The following MAF variants were observed in gnomAD, a reference collection of about 807,000 sequenced individuals.
MAF encodes MAF bZIP transcription factor.
In MAF, 10 loss-of-function variants were observed where a neutral mutation model predicts 22.0. That is an observed-to-expected ratio of 0.45 (90% CI 0.28 to 0.77). The LOEUF (loss-of-function observed/expected upper bound fraction) is 0.77. Among genes scored for constraint, MAF ranks in the 30% least tolerant of loss-of-function variants. MAF has a pLI of 0.12. For synonymous variants in MAF, 337 were observed against 255.8 expected, an observed-to-expected ratio of 1.32 and a Z score of -3.03; for missense variants, 544 against 548.4, an observed-to-expected ratio of 0.99 and a Z score of 0.08.
Position 79,599,201 on chromosome 16 carries a change from T to TCCG in MAF, c.699_701dup (p.Gly238dup), listed in dbSNP as rs887468453. ...CCGCCCCCGCCGCGCCCCCGCCGCC[T>TCCG]CCGCCGCCGCCGCCGCCGCCGCCGC... On this transcript the variant is annotated inframe_insertion, in exon 1 of 2. Coordinates refer to ENST00000326043, the MANE Select transcript of MAF (RefSeq NM_005360.5). The TCCG allele has an allele frequency of 5.8e-4, 566 of 974,890 alleles. 1 individual carries two copies. Among genetic ancestry groups the TCCG allele is most frequent in the Middle Eastern group, 2.1e-3 (4 of 1,912 alleles). The allele number at this position is 974,890 out of a possible 1,614,324, so 60.4% of individuals were successfully genotyped here. A position where few individuals can be genotyped will look rare whatever the true frequency, so the allele number is the denominator to read the frequency against.
the MAF span, among the ~76,000 whole-genome samples, chr16:79,317,894 G>C: frequency 6.8e-6 from 1 of 147,832 alleles, no homozygotes; most frequent in East Asian, 2.0e-4. Context: ...CTGTGGGGTA[G>C]CTTGTATTCA....
At chr16:79,559,714 C>T in the MAF span, among the ~76,000 whole-genome samples, 3 of 152,044 alleles carry the variant, frequency 2.0e-5, no homozygotes, top group Admixed American at 6.5e-5. Context: ...GAGAAGCCAA[C>T]GGAAATGAAA....
the MAF span, among the ~76,000 whole-genome samples, chr16:79,207,704 A>T: frequency 6.6e-6 from 1 of 152,230 alleles, no homozygotes; most frequent in East Asian, 1.9e-4. Context: ...AAAAACCTGA[A>T]AGCAAAACAC....
At chr16:79,309,462 G>C in the MAF span, among the ~76,000 whole-genome samples, 1 of 152,120 alleles carries the variant, frequency 6.6e-6, no homozygotes, top group Non-Finnish European at 1.5e-5. Flanking sequence ...GAGAACTTAC[G>C]TTTTCATATT....
chr16:79,571,238 G>A, the MAF span, among the ~76,000 whole-genome samples: 7 of 152,264 alleles, frequency 4.6e-5, no homozygotes, highest in East Asian at 1.4e-3. Flanking sequence ...AGGGGGATGA[G>A]CGGGAGGGAG....
the MAF span, among the ~76,000 whole-genome samples, chr16:79,312,823 C>A: frequency 2.0e-5 from 3 of 152,140 alleles, no homozygotes; most frequent in African/African-American, 7.2e-5. Context: ...TTGTCTTCGG[C>A]TACATATAAG....
At chr16:79,341,266 G>A in the MAF span, among the ~76,000 whole-genome samples, 1 of 152,186 alleles carries the variant, frequency 6.6e-6, no homozygotes, top group East Asian at 1.9e-4. Flanking sequence ...CTGTACCTCA[G>A]TTTCTCCATC....
At chr16:79,371,786 A>T in the MAF span, among the ~76,000 whole-genome samples, 9 of 152,238 alleles carry the variant, frequency 5.9e-5, no homozygotes, top group Admixed American at 2.0e-4. Flanking sequence ...AGAATGTTCT[A>T]AAAGGCCAAC....
the MAF span, among the ~76,000 whole-genome samples, chr16:79,292,421 T>C: frequency 6.6e-6 from 1 of 152,158 alleles, no homozygotes; most frequent in Non-Finnish European, 1.5e-5. Context: ...AGAGGGAGGA[T>C]GGCCCTGCCA....
chr16:79,367,487 C>T, the MAF span, among the ~76,000 whole-genome samples: 6 of 152,306 alleles, frequency 3.9e-5, no homozygotes, highest in African/African-American at 1.4e-4. Flanking sequence ...CAAGACATGA[C>T]CCTTATAGCT....
the MAF span, among the ~76,000 whole-genome samples, chr16:79,366,211 G>C: frequency 1.3e-5 from 2 of 152,154 alleles, no homozygotes; most frequent in African/African-American, 4.8e-5. Context: ...CAAGGAAAAA[G>C]AATATGTAAA....
At chr16:79,323,083 G>A in the MAF span, among the ~76,000 whole-genome samples, 2 of 140,032 alleles carry the variant, frequency 1.4e-5, no homozygotes, top group East Asian at 2.3e-4. Flanking sequence ...CTGGGAGGCA[G>A]AGCTTGCAGT....
At chr16:79,392,681 G>C in the MAF span, among the ~76,000 whole-genome samples, 1 of 152,166 alleles carries the variant, frequency 6.6e-6, no homozygotes, top group East Asian at 1.9e-4. Context: ...TTGTTAGGAA[G>C]AGGGTGAGAC....
At chr16:79,464,551 C>G in the MAF span, among the ~76,000 whole-genome samples, 1 of 152,310 alleles carries the variant, frequency 6.6e-6, no homozygotes, top group South Asian at 2.1e-4. Context: ...TTTCGAAATG[C>G]TGTACAGACC....
the MAF span, among the ~76,000 whole-genome samples, chr16:79,327,322 C>T: frequency 6.6e-6 from 1 of 152,108 alleles, no homozygotes; most frequent in East Asian, 1.9e-4. Flanking sequence ...GGGTAGTTCT[C>T]TCACAATGAC....
the MAF span, among the ~76,000 whole-genome samples, chr16:79,524,493 G>T: frequency 4.6e-5 from 7 of 152,296 alleles, no homozygotes; most frequent in South Asian, 1.0e-3. Flanking sequence ...GTTAAAGTTG[G>T]CTATCCAACA....
At chr16:79,231,045 G>T in the MAF span, among the ~76,000 whole-genome samples, 1 of 152,016 alleles carries the variant, frequency 6.6e-6, no homozygotes, top group Non-Finnish European at 1.5e-5. Flanking sequence ...ATTAAAATAA[G>T]AAATGTCATG....
the MAF span, among the ~76,000 whole-genome samples, chr16:79,480,329 T>C: frequency 1.3e-5 from 2 of 151,524 alleles, no homozygotes; most frequent in African/African-American, 4.8e-5. Context: ...AAATACAATT[T>C]TTTTTTTCAT....
the MAF span, among the ~76,000 whole-genome samples, chr16:79,534,759 A>G: frequency 1.3e-5 from 2 of 152,198 alleles, no homozygotes; most frequent in Non-Finnish European, 2.9e-5. Context: ...AAGAAAGAAA[A>G]GAAAACTGTG....
Sources: allele counts gnomAD v4.1 joint callset (sites outside exome capture counted in the v4.1 genomes callset), GRCh38; gene constraint gnomAD v4.1.1; transcripts MANE v1.5; gene names NCBI Gene and HGNC (gene_info 2026-07-23, HGNC 2026-07-21).